Variants in ESR2 observed in about 807,000 individuals in gnomAD.
ESR2 encodes estrogen receptor 2, also known as estrogen receptor beta.
ESR2 carries 36 observed loss-of-function variants against 49.6 expected under a neutral mutation model. That is an observed-to-expected ratio of 0.73 (90% CI 0.56 to 0.96). The LOEUF (loss-of-function observed/expected upper bound fraction) is 0.96, where lower values mean the gene tolerates loss of function less well. Among genes scored for constraint, ESR2 ranks in the 40% least tolerant of loss-of-function variants. ESR2 has a pLI of 0.00. For missense variants in ESR2, 714 were observed against 693.0 expected (o/e 1.03, Z -0.34); for synonymous variants, 320 against 266.1 (o/e 1.20, Z -1.97).
rs2098728840 is a variant in ESR2, at chr14:64,233,120, C to G, written c.*17G>C. On this transcript the variant is annotated 3_prime_UTR_variant, in exon 9 of 9. Coordinates refer to ENST00000341099, the MANE Select transcript of ESR2 (RefSeq NM_001437.3). ...AGCCTGTGACCTCTGTGGGCCAGTT[C>G]ACCTCAGGGCCAGGCGTCACTGAGA... 2 of 1,607,626 alleles carry G rather than the reference C, an allele frequency of 1.2e-6. No individual in the cohort carries two copies. The highest frequency in any genetic ancestry group is 2.7e-5 in the African/African-American group (2 of 74,808).
upstream of ESR2, among the ~76,000 whole-genome samples, chr14:64,295,443 T>C (rs905883034): frequency 6.6e-6 from 1 of 152,166 alleles, no homozygotes; most frequent in Non-Finnish European, 1.5e-5. Context: ...GCTCCAAAGA[T>C]GGAGAAGCAT....
At position 64,274,551 on chromosome 14, in the gene ESR2, T is replaced by G. The variant is rs79272383; in HGVS notation, c.535+5430A>C. ...TCAGGTTTATTTTCTCAAAAAAACC[T>G]TCATATTTTGTCAATCTTTTGTGTT... On this transcript the variant is annotated intron_variant, in intron 3 of 8. Transcript: ENST00000341099. Among the ~76,000 whole-genome samples, 231 of 152,262 alleles carry G rather than the reference T, an allele frequency of 1.5e-3. 6 individuals carry two copies. The East Asian group carries it at 0.04, about 26-fold the overall frequency.
At chr14:64,270,660 C>G (rs1250425214) in intron 3 of ESR2, among the ~76,000 whole-genome samples, 1 of 152,124 alleles carries the variant, frequency 6.6e-6, no homozygotes, top group Non-Finnish European at 1.5e-5. Flanking sequence ...CAGGCACCCA[C>G]CACCACGCCC....
At chr14:64,238,827 T>A (rs887469296) in intron 7 of ESR2, among the ~76,000 whole-genome samples, 2 of 151,146 alleles carry the variant, frequency 1.3e-5, no homozygotes, top group Non-Finnish European at 2.9e-5. Flanking sequence ...TGAAATAAAA[T>A]CAAGGACACA....
At chr14:64,295,202 C>CA (rs1178779654), upstream of ESR2, among the ~76,000 whole-genome samples, 1 of 152,098 alleles carries the variant, frequency 6.6e-6, no homozygotes, top group Non-Finnish European at 1.5e-5. Flanking sequence ...TGTGAGAACC[C>CA]CCCAGTGTCA....
rs776464052 is a variant in ESR2, at chr14:64,249,591, G to A, written c.1180C>T (p.His394Tyr). The stretch of plus-strand genomic sequence containing the variant: ...GCCTTGACACAGAGATATTCTTTGT[G>A]TTGGAGTTTTAACTCTCGAAACCTT... ...TSRFRELKLQHKEYLCVKAMI... is the reference protein window; with the variant it reads ...TSRFRELKLQYKEYLCVKAMI... Residue 394 changes from histidine to tyrosine, a missense_variant, in exon 7 of 9, where the codon CAC becomes TAC. Transcript: ENST00000341099. 2 of 1,613,982 alleles carry A rather than the reference G, an allele frequency of 1.2e-6. No homozygotes were observed. The highest frequency in any genetic ancestry group is 1.7e-5 in the Admixed American group (1 of 59,984).
rs533351755 is a variant in ESR2 at position 64,292,471 on chromosome 14, T to C, written c.-91+1562A>G. 9.8e-4 allele frequency among the ~76,000 whole-genome samples: 150 copies of C among 152,324 alleles called. No individual in the cohort carries two copies. The Middle Eastern group carries it at 0.02, about 21-fold the overall frequency. Reference sequence around the variant, plus strand: ...AAATTTTACTGTATGTAAATTATACTGCTGTAGCCTAATTTTTTTAAAGTG... The same window carrying C: ...AAATTTTACTGTATGTAAATTATACCGCTGTAGCCTAATTTTTTTAAAGTG... On this transcript the variant is annotated intron_variant, in intron 1 of 8. Coordinates refer to ENST00000341099, the MANE Select transcript of ESR2 (RefSeq NM_001437.3).
chr14:64,279,840 C>T, intron 3 of ESR2, 141 bp downstream of exon 3: 1 of 728,610 alleles, frequency 1.4e-6, no homozygotes, highest in African/African-American at 1.8e-5. Flanking sequence ...CACTTCCAAA[C>T]ACACATGATC....
rs2140591298 is a variant in ESR2, at chr14:64,230,282, G to C, written c.*2855C>G. ...GGCCTATAAACAGAAGGTTCACTTTGAATTTGAAAAGTCCCTTAGCAGACG... is the reference window on the plus strand; with the variant it reads ...GGCCTATAAACAGAAGGTTCACTTTCAATTTGAAAAGTCCCTTAGCAGACG... On this transcript the variant is annotated 3_prime_UTR_variant, in exon 9 of 9. Coordinates refer to ENST00000341099, the MANE Select transcript of ESR2 (RefSeq NM_001437.3). 6.6e-6 allele frequency among the ~76,000 whole-genome samples: 1 copy of C among 151,716 alleles called. No individual in the cohort carries two copies. The highest frequency in any genetic ancestry group is 2.1e-4 in the South Asian group (1 of 4,786).
rs1156967494 is a variant in ESR2 at position 64,253,600 on chromosome 14, G to A, written c.1091+3626C>T. 7.5e-3 allele frequency among the ~76,000 whole-genome samples: 931 copies of A among 124,808 alleles called. 13 individuals are homozygous for A. Among genetic ancestry groups the A allele is most frequent in the African/African-American group, 0.025 (797 of 32,244 alleles). The allele number at this position is 124,808 out of a possible 152,430, so 81.9% of individuals were successfully genotyped here. A position where few individuals can be genotyped will look rare whatever the true frequency, so the allele number is the denominator to read the frequency against. On this transcript the variant is annotated intron_variant, in intron 6 of 8. Transcript: ENST00000341099. ...TGTGTGTGTGTGTGTGTGTGTGTGT[G>A]TGTGTATGTATGTGTGTGTATATAT...
In ESR2 at chr14:64,231,753, T is replaced by G. The variant is rs1416107952; in HGVS notation, c.*1384A>C. The G allele has an allele frequency of 6.6e-6, 1 of 152,224 alleles. No individual in the cohort carries two copies. The highest frequency in any genetic ancestry group is 1.5e-5 in the Non-Finnish European group (1 of 68,046). The allele number at this position is 152,224 out of a possible 1,614,324, so 9.4% of individuals were successfully genotyped here. ...CGTTACTGCAATAATGAAACATGATTATTTAATTGCTGGCTTCCATAGTAT... is the reference window on the plus strand; with the variant it reads ...CGTTACTGCAATAATGAAACATGATGATTTAATTGCTGGCTTCCATAGTAT... On this transcript the variant is annotated 3_prime_UTR_variant, in exon 9 of 9. Coordinates refer to ENST00000341099, the MANE Select transcript of ESR2 (RefSeq NM_001437.3).
At chr14:64,244,908 T>G (rs2075816217) in intron 7 of ESR2, among the ~76,000 whole-genome samples, 1 of 152,202 alleles carries the variant, frequency 6.6e-6, no homozygotes, top group Admixed American at 6.5e-5. Flanking sequence ...CTCCAGGCAG[T>G]AAACTGGACA....
chr14:64,299,653 C>T (rs886393810), intron 1 of ESR2, among the ~76,000 whole-genome samples: 4 of 152,272 alleles, frequency 2.6e-5, no homozygotes, highest in East Asian at 1.9e-4. Context: ...TCAGCCACCG[C>T]GCCCAGCCCA....
intron 1 of ESR2, among the ~76,000 whole-genome samples, chr14:64,284,850 C>CT (rs780694583): frequency 0.056 from 7,805 of 139,576 alleles, 554 homozygotes; most frequent in African/African-American, 0.15. Context: ...TATCGCATTA[C>CT]TTTTTTTTTT....
chr14:64,289,216 G>T (rs1028021328), intron 1 of ESR2, among the ~76,000 whole-genome samples: 11 of 151,746 alleles, frequency 7.2e-5, no homozygotes, highest in African/African-American at 2.7e-4. Flanking sequence ...GATGATGTCT[G>T]TGAAAGGATT....
chr14:64,228,028 T>TA (rs1567721039), downstream of ESR2: 3 of 1,496,676 alleles, frequency 2.0e-6, no homozygotes, highest in Admixed American at 4.6e-5. Flanking sequence ...AGCTGCATTT[T>TA]ACTTGTATAC....
chr14:64,277,657 G>T lies in ESR2; in HGVS notation c.535+2324C>A, dbSNP rs180686358. ...AAAAAAAAAAAAAAAAAAGTTACAT[G>T]CAAGGAATTTCTCAATACTGTACCA... On this transcript the variant is annotated intron_variant, in intron 3 of 8. Transcript: ENST00000341099. Among the ~76,000 whole-genome samples the T allele has an allele frequency of 5.4e-3, 794 of 147,910 alleles. 29 individuals are homozygous for T. Among genetic ancestry groups the T allele is most frequent in the Admixed American group, 0.048 (702 of 14,726 alleles).
intron 1 of ESR2, among the ~76,000 whole-genome samples, chr14:64,292,785 T>A (rs758250562): frequency 2.6e-5 from 4 of 152,232 alleles, no homozygotes; most frequent in Admixed American, 1.3e-4. Context: ...ATGTTAATTA[T>A]ATGGTTATGA....
intron 1 of ESR2, among the ~76,000 whole-genome samples, chr14:64,308,821 A>G (rs1366287454): frequency 6.6e-6 from 1 of 152,138 alleles, no homozygotes; most frequent in Non-Finnish European, 1.5e-5. Flanking sequence ...CCTGTCACCC[A>G]GGCTGGAGTG....
Sources: gnomAD v4.1 joint callset for allele counts (sites outside exome capture counted in the v4.1 genomes callset) on GRCh38, gnomAD v4.1.1 for gene constraint, MANE v1.5 for transcripts, NCBI Gene and HGNC (gene_info 2026-07-23, HGNC 2026-07-21) for gene names.